The following CFAP47 variants were observed in gnomAD, a reference collection of about 807,000 sequenced individuals.
CFAP47 encodes cilia- and flagella-associated protein 47.
In CFAP47, 29 loss-of-function variants were observed where a neutral mutation model predicts 148.1. The observed-to-expected ratio is 0.20, with a 90% CI of 0.15 to 0.27. CFAP47 has a LOEUF of 0.27. Ranked by LOEUF, CFAP47 falls within the 10% of genes least tolerant of loss-of-function variation. CFAP47 has a pLI of 1.00. For synonymous variants in CFAP47, 664 were observed against 577.3 expected (o/e 1.15, Z -2.15); for missense variants, 1,872 against 1,697.5 (o/e 1.10, Z -1.81).
chrX:35,924,366 T>C (rs1251345331), intron 1 of CFAP47, among the ~76,000 whole-genome samples: 1 of 106,074 alleles, frequency 9.4e-6, no homozygotes, highest in African/African-American at 3.6e-5. Context: ...TATATATGTA[T>C]ATGTGCATAT....
chrX:36,294,377 C>A (rs1941221417), intron 51 of CFAP47, among the ~76,000 whole-genome samples: 1 of 84,463 alleles, frequency 1.2e-5, no homozygotes, highest in African/African-American at 9.0e-5. Context: ...GAGAAGACTT[C>A]AATTGCCATG....
chrX:36,037,509 C>T (rs1359242342), intron 24 of CFAP47, among the ~76,000 whole-genome samples: 1 of 110,956 alleles, frequency 9.0e-6, no homozygotes, highest in Non-Finnish European at 1.9e-5. Flanking sequence ...ACTAGAGGCG[C>T]ACTCCACCAT....
chrX:35,968,272 A>C (rs988666960), intron 10 of CFAP47, among the ~76,000 whole-genome samples: 23 of 110,510 alleles, frequency 2.1e-4, no homozygotes, highest in Admixed American at 1.7e-3. Flanking sequence ...CATCCTCCTC[A>C]TCATCATCAT....
chrX:36,101,502 A>T (rs1938375549), intron 32 of CFAP47, among the ~76,000 whole-genome samples: 1 of 111,740 alleles, frequency 8.9e-6, no homozygotes, highest in South Asian at 3.7e-4. Context: ...CCCTCAGAGT[A>T]ATGAGCAATT....
intron 16 of CFAP47, among the ~76,000 whole-genome samples, chrX:35,991,300 G>C (rs909862437): frequency 9.0e-6 from 1 of 110,710 alleles, no homozygotes; most frequent in Non-Finnish European, 1.9e-5. Flanking sequence ...TTCTGGACTA[G>C]TAGACCATAG....
chrX:35,940,189 A>G (rs1299110327), intron 2 of CFAP47, among the ~76,000 whole-genome samples: 2 of 110,752 alleles, frequency 1.8e-5, no homozygotes, highest in African/African-American at 6.6e-5. Flanking sequence ...TAGATTCTGG[A>G]TATTAGCCCT....
chrX:36,223,139 G>A (rs1940230847), intron 45 of CFAP47, among the ~76,000 whole-genome samples: 1 of 111,094 alleles, frequency 9.0e-6, no homozygotes, highest in Admixed American at 9.7e-5. Flanking sequence ...AGTTTCCTGA[G>A]TCCTCCCCAG....
chrX:35,971,879 G>C lies in CFAP47; in HGVS notation c.2168G>C (p.Gly723Ala), dbSNP rs1936498130. The C allele has an allele frequency of 8.4e-7, 1 of 1,195,590 alleles. No homozygotes were observed. Among genetic ancestry groups the C allele is most frequent in the African/African-American group, 1.8e-5 (1 of 56,788 alleles). The change falls in exon 13 of 64, where the codon GGA (glycine) becomes GCA (alanine). Residue 723 changes from glycine to alanine, a missense_variant. Transcript: ENST00000378653. ...TATGATTTTTTACAGGTTCTCAAAG[G>C]ACTTAAATCAGAACCATCCACTCCA... ...EESVRRKVLKGLKSEPSTPQE... is the reference protein window; with the variant it reads ...EESVRRKVLKALKSEPSTPQE...
At position 36,276,150 on chromosome X, in the gene CFAP47, C is replaced by G. The variant is rs1941014915; in HGVS notation, c.7445-4337C>G. On this transcript the variant is annotated intron_variant, in intron 49 of 63. Transcript: ENST00000378653. ...TTTGCATTTATGAATAATATTTCAA[C>G]AGCATCTTTGTATATAACTCTTCAC... Among the ~76,000 whole-genome samples the G allele has an allele frequency of 3.6e-5, 4 of 110,665 alleles. No individual in the cohort carries two copies. In the South Asian group the frequency reaches 1.5e-3, roughly 42 times the overall value.
At chrX:36,373,266 T>C (rs1476458069) in intron 62 of CFAP47, among the ~76,000 whole-genome samples, 1 of 111,835 alleles carries the variant, frequency 8.9e-6, no homozygotes, top group Non-Finnish European at 1.9e-5. Flanking sequence ...GCTAAATTCA[T>C]TTCTAAGAAT....
rs73472823 is a variant in CFAP47 at position 36,124,569 on chromosome X, G to T, written c.5321-13389G>T. On this transcript the variant is annotated intron_variant, in intron 33 of 63. Transcript: ENST00000378653. The stretch of plus-strand genomic sequence containing the variant: ...ATAACAGGGCAGCACTGAGTTCAGT[G>T]CTTCACAATTGCTGCAATATCCCTC... Among the ~76,000 whole-genome samples the T allele has an allele frequency of 5.0e-3, 553 of 111,334 alleles. 3 individuals are homozygous for T. The highest frequency in any genetic ancestry group is 0.017 in the African/African-American group (519 of 30,586).
At chrX:36,163,029 T>C (rs943963679) in intron 39 of CFAP47, among the ~76,000 whole-genome samples, 3 of 112,245 alleles carry the variant, frequency 2.7e-5, no homozygotes, top group Non-Finnish European at 5.6e-5. Flanking sequence ...GCCATCTGGT[T>C]CTGAGCTTTG....
intron 57 of CFAP47, among the ~76,000 whole-genome samples, chrX:36,335,135 T>C (rs1195055342): frequency 3.6e-5 from 4 of 111,233 alleles, no homozygotes; most frequent in African/African-American, 1.3e-4. Context: ...TTTACATGTC[T>C]CAAAACAAAA....
Position 36,071,957 on chromosome X carries a change from G to C in CFAP47, c.4451G>C (p.Gly1484Ala). 5 of 1,203,947 alleles carry C rather than the reference G, an allele frequency of 4.2e-6. No homozygotes were observed. The highest frequency in any genetic ancestry group is 4.5e-6 in the Non-Finnish European group (4 of 891,568). Reference protein sequence around the residue: ...SKFNDAEPAKGNLFIGVEVLP... With the variant: ...SKFNDAEPAKANLFIGVEVLP... ...TTCAATGATGCTGAACCTGCAAAGG[G>C]AAACTTATTTATTGGTATGTAGCAA... is the stretch of plus-strand genomic sequence containing the variant. Residue 1484 changes from glycine to alanine, a missense_variant, in exon 28 of 64, where the codon GGA becomes GCA. Coordinates refer to ENST00000378653, the MANE Select transcript of CFAP47 (RefSeq NM_001304548.2).
chrX:35,922,619 A>G (rs1935595147), intron 1 of CFAP47, among the ~76,000 whole-genome samples: 1 of 112,750 alleles, frequency 8.9e-6, no homozygotes, highest in African/African-American at 3.2e-5. Flanking sequence ...CTTCTGTTCT[A>G]TAAATTGCAC....
chrX:36,292,039 T>C (rs1157868378), intron 51 of CFAP47, among the ~76,000 whole-genome samples: 2 of 111,248 alleles, frequency 1.8e-5, no homozygotes, highest in Non-Finnish European at 3.8e-5. Context: ...TACAAATTAA[T>C]AAACTTTAGG....
At chrX:36,116,476 G>A (rs943964708) in intron 33 of CFAP47, among the ~76,000 whole-genome samples, 2 of 112,305 alleles carry the variant, frequency 1.8e-5, no homozygotes, top group African/African-American at 6.5e-5. Context: ...TAGTTAACGA[G>A]CTTAGGTGTT....
intron 57 of CFAP47, among the ~76,000 whole-genome samples, chrX:36,328,577 G>A (rs1556013508): frequency 9.1e-6 from 1 of 110,079 alleles, no homozygotes; most frequent in African/African-American, 3.3e-5. Context: ...TTGGGAGGCC[G>A]AGGCGGGTGG....
intron 57 of CFAP47, among the ~76,000 whole-genome samples, chrX:36,338,709 A>G (rs1218361986): frequency 9.0e-6 from 1 of 111,678 alleles, no homozygotes; most frequent in Non-Finnish European, 1.9e-5. Flanking sequence ...GATCTCATTT[A>G]TTCACACATA....
Sources: allele counts gnomAD v4.1 joint callset (sites outside exome capture counted in the v4.1 genomes callset), GRCh38; gene constraint gnomAD v4.1.1; transcripts MANE v1.5; gene names NCBI Gene and HGNC (gene_info 2026-07-23, HGNC 2026-07-21).